Variants in RMND5A observed in about 807,000 individuals in gnomAD.
RMND5A encodes E3 ubiquitin-protein transferase RMND5A.
RMND5A carries 17 observed loss-of-function variants against 49.7 expected under a neutral mutation model. That is an observed-to-expected ratio of 0.34 (90% confidence interval 0.23 to 0.51). The LOEUF is 0.51. Among genes scored for constraint, RMND5A ranks in the 20% least tolerant of loss-of-function variants. The probability of loss-of-function intolerance (pLI) is 0.96; values close to 1 mark genes in which losing one functional copy is unlikely to be tolerated. For missense variants in RMND5A, 255 were observed against 471.3 expected (o/e 0.54, Z 4.25); for synonymous variants, 156 against 167.7 (o/e 0.93, Z 0.54).
At chr2:86,721,878 T>G (rs529802144) in intron 1 of RMND5A, among the ~76,000 whole-genome samples, 1 of 139,078 alleles carries the variant, frequency 7.2e-6, no homozygotes, top group East Asian at 2.1e-4. Context: ...TCTCTCCTTC[T>G]CCTTCATTTT....
intron 4 of RMND5A, among the ~76,000 whole-genome samples, chr2:86,764,176 T>C (rs2104407292): frequency 6.6e-6 from 1 of 152,344 alleles, no homozygotes; most frequent in South Asian, 2.1e-4. Context: ...TAGTGGTCTT[T>C]GGTGAATTAG....
At chr2:86,721,095 C>T (rs2104379679) in intron 1 of RMND5A, 1 of 307,566 alleles carries the variant, frequency 3.3e-6, no homozygotes. Context: ...GGCCGCCCAT[C>T]GCACCTGCAA....
chr2:86,748,715 A>G (rs1201247885), intron 2 of RMND5A, among the ~76,000 whole-genome samples: 1 of 152,238 alleles, frequency 6.6e-6, no homozygotes, highest in East Asian at 1.9e-4. Flanking sequence ...CTGAGCAAGT[A>G]CTGTCAGATG....
chr2:86,757,209 T>C (rs1317695437), intron 4 of RMND5A, among the ~76,000 whole-genome samples: 1 of 93,762 alleles, frequency 1.1e-5, no homozygotes, highest in Admixed American at 1.0e-4. Flanking sequence ...AAAAAAAAAG[T>C]GGAGGTGGCT....
intron 1 of RMND5A, among the ~76,000 whole-genome samples, chr2:86,729,282 T>C (rs1681321070): frequency 6.6e-6 from 1 of 152,016 alleles, no homozygotes; most frequent in South Asian, 2.1e-4. Flanking sequence ...GTGCTTCTGG[T>C]GAGTACAGAC....
chr2:86,765,202 A>G lies in RMND5A; in HGVS notation c.688+9A>G. 1.3e-6 allele frequency: 2 copies of G among 1,542,842 alleles called. No homozygotes were observed. The highest frequency in any genetic ancestry group is 1.7e-6 in the Non-Finnish European group (2 of 1,149,318). On this transcript the variant is annotated intron_variant, in intron 5 of 8. Transcript: ENST00000283632. Reference sequence around the variant, plus strand: ...CCTAAATCATCAAAAAGGTGAGTCTAGAGTCAGATGTTATTAATGTTTGAA... The same window carrying G: ...CCTAAATCATCAAAAAGGTGAGTCTGGAGTCAGATGTTATTAATGTTTGAA...
intron 2 of RMND5A, among the ~76,000 whole-genome samples, chr2:86,750,292 A>AGTCT (rs1159163592): frequency 6.6e-6 from 1 of 152,210 alleles, no homozygotes; most frequent in Non-Finnish European, 1.5e-5. Flanking sequence ...TTTTAGAGCA[A>AGTCT]GTCTGATGGC....
At chr2:86,764,146 T>C (rs1452103048) in intron 4 of RMND5A, among the ~76,000 whole-genome samples, 1 of 152,230 alleles carries the variant, frequency 6.6e-6, no homozygotes, top group African/African-American at 2.4e-5. Flanking sequence ...AGATTTTGTA[T>C]TCTTACCCAG....
At position 86,776,910 on chromosome 2, in the gene RMND5A, A is replaced by G. The variant is rs1433090003; in HGVS notation, c.*3499A>G. 2 of 152,192 alleles carry G rather than the reference A, an allele frequency of 1.3e-5. No individual in the cohort carries two copies. Among genetic ancestry groups the G allele is most frequent in the African/African-American group, 4.8e-5 (2 of 41,438 alleles). The allele number at this position is 152,192 out of a possible 1,614,324, so 9.4% of individuals were successfully genotyped here. On this transcript the variant is annotated 3_prime_UTR_variant, in exon 9 of 9. Coordinates refer to ENST00000283632, the MANE Select transcript of RMND5A (RefSeq NM_022780.4). ...GGAATGTTAGCAAGGAACACATAGAAGATTTGGTGTTTCATAAGCCTGTCT... is the reference window on the plus strand; with the variant it reads ...GGAATGTTAGCAAGGAACACATAGAGGATTTGGTGTTTCATAAGCCTGTCT...
intron 2 of RMND5A, among the ~76,000 whole-genome samples, chr2:86,742,371 A>G (rs1681463447): frequency 6.6e-6 from 1 of 151,664 alleles, no homozygotes; most frequent in Admixed American, 6.6e-5. Context: ...GAGATTGTGA[A>G]ATGGCTTTGA....
At chr2:86,748,764 G>A (rs780907840) in intron 2 of RMND5A, among the ~76,000 whole-genome samples, 3 of 152,214 alleles carry the variant, frequency 2.0e-5, no homozygotes, top group South Asian at 2.1e-4. Flanking sequence ...ATATATTACC[G>A]GATAAAATTG....
In RMND5A at chr2:86,774,619, A is replaced by T. The variant is rs945891577; in HGVS notation, c.*1208A>T. 2 of 152,668 alleles carry T rather than the reference A, an allele frequency of 1.3e-5. No homozygotes were observed. Among genetic ancestry groups the T allele is most frequent in the African/African-American group, 4.8e-5 (2 of 41,472 alleles). The allele number at this position is 152,668 out of a possible 1,614,324, so 9.5% of individuals were successfully genotyped here. A position where few individuals can be genotyped will look rare whatever the true frequency, so the allele number is the denominator to read the frequency against. On this transcript the variant is annotated 3_prime_UTR_variant, in exon 9 of 9. Transcript: ENST00000283632. ...AGAGTCTTTCTGTATGACGAACTAC[A>T]TGGAAAAGACTTCTGTGGACATAAT...
intron 2 of RMND5A, among the ~76,000 whole-genome samples, chr2:86,751,332 T>C (rs890431931): frequency 6.6e-6 from 1 of 152,192 alleles, no homozygotes; most frequent in African/African-American, 2.4e-5. Flanking sequence ...GTCTATTCCC[T>C]AGTTCAGTTT....
intron 7 of RMND5A, chr2:86,771,231 C>T (rs1672681404): frequency 4.9e-6 from 1 of 203,076 alleles, no homozygotes. Context: ...TTGTAAGCAT[C>T]TCTGACATGC....
At chr2:86,771,502 G>A in intron 7 of RMND5A, 56 bp from the exon 8 acceptor site, 2 of 1,503,646 alleles carry the variant, frequency 1.3e-6, no homozygotes, top group Non-Finnish European at 9.1e-7. Context: ...TTACCATGTG[G>A]ATGGTTTTGT....
intron 2 of RMND5A, among the ~76,000 whole-genome samples, chr2:86,744,168 C>A (rs1215192620): frequency 6.6e-6 from 1 of 152,048 alleles, no homozygotes; most frequent in Non-Finnish European, 1.5e-5. Flanking sequence ...GAAGCTGTTT[C>A]CCCAATAGAA....
intron 4 of RMND5A, among the ~76,000 whole-genome samples, chr2:86,755,677 C>T (rs977367655): frequency 6.6e-6 from 1 of 152,020 alleles, no homozygotes; most frequent in African/African-American, 2.4e-5. Context: ...AAACTTTGTG[C>T]GTATATAAGA....
intron 4 of RMND5A, among the ~76,000 whole-genome samples, chr2:86,758,115 A>T (rs1681777002): frequency 6.6e-6 from 1 of 152,056 alleles, no homozygotes; most frequent in Non-Finnish European, 1.5e-5. Context: ...TTGAGTCAGC[A>T]TTAAGTATCC....
intron 5 of RMND5A, 132 bp downstream of exon 5, chr2:86,765,325 A>C: frequency 3.7e-6 from 3 of 801,408 alleles, no homozygotes; most frequent in Non-Finnish European, 5.7e-6. Context: ...TTACAGGAAA[A>C]GTTCTGACTG....
Sources: gnomAD v4.1 joint callset for allele counts (sites outside exome capture counted in the v4.1 genomes callset) on GRCh38, gnomAD v4.1.1 for gene constraint, MANE v1.5 for transcripts, NCBI Gene and HGNC (gene_info 2026-07-23, HGNC 2026-07-21) for gene names.